The following ADGRL2 variants were observed in gnomAD, a reference collection of about 807,000 sequenced individuals.
ADGRL2 encodes adhesion G protein-coupled receptor L2.
ADGRL2 carries 44 observed loss-of-function variants against 157.4 expected under a neutral mutation model. That is an observed-to-expected ratio of 0.28 (90% CI 0.22 to 0.36). The LOEUF (loss-of-function observed/expected upper bound fraction) is 0.36, where lower values mean the gene tolerates loss of function less well. Ranked by LOEUF, ADGRL2 falls within the 10% of genes least tolerant of loss-of-function variation. The pLI, the probability that ADGRL2 is intolerant of heterozygous loss-of-function variation, is 1.00. For synonymous variants in ADGRL2, 585 were observed against 624.7 expected, an observed-to-expected ratio of 0.94 and a Z score of 0.95; for missense variants, 1,510 against 1,768.9, an observed-to-expected ratio of 0.85 and a Z score of 2.63.
chr1:81,381,002 T>C (rs1321907075), intron 1 of ADGRL2, among the ~76,000 whole-genome samples: 1 of 152,122 alleles, frequency 6.6e-6, no homozygotes, highest in Non-Finnish European at 1.5e-5. Flanking sequence ...ACATCTTATG[T>C]TATAGACCTC....
At chr1:81,395,473 T>G (rs929526963) in intron 1 of ADGRL2, among the ~76,000 whole-genome samples, 2 of 152,178 alleles carry the variant, frequency 1.3e-5, no homozygotes, top group Non-Finnish European at 2.9e-5. Flanking sequence ...ACTTTGTAAA[T>G]ATTTTCTCCC....
At chr1:81,470,218 T>G (rs1267542673) in intron 2 of ADGRL2, among the ~76,000 whole-genome samples, 6 of 152,218 alleles carry the variant, frequency 3.9e-5, no homozygotes, top group Non-Finnish European at 8.8e-5. Flanking sequence ...CTGTTCTGTT[T>G]TTCTTTTGTT....
chr1:81,788,796 A>G (rs1365615665), intron 2 of ADGRL2, among the ~76,000 whole-genome samples: 3 of 152,016 alleles, frequency 2.0e-5, no homozygotes, highest in Non-Finnish European at 4.4e-5. Flanking sequence ...GCTCACTGCA[A>G]CCTCTGCCTT....
chr1:81,373,056 A>G (rs969079035), intron 1 of ADGRL2, among the ~76,000 whole-genome samples: 3 of 152,144 alleles, frequency 2.0e-5, no homozygotes, highest in South Asian at 2.1e-4. Context: ...AACAAGTGCC[A>G]TGGTCATGCT....
intron 3 of ADGRL2, among the ~76,000 whole-genome samples, chr1:81,681,747 C>A (rs1395718461): frequency 6.6e-6 from 1 of 152,168 alleles, no homozygotes; most frequent in Non-Finnish European, 1.5e-5. Flanking sequence ...ACCGCAACAG[C>A]AGCAAAGCAG....
chr1:81,619,683 T>G (rs919311553), intron 3 of ADGRL2, among the ~76,000 whole-genome samples: 1 of 152,166 alleles, frequency 6.6e-6, no homozygotes, highest in Non-Finnish European at 1.5e-5. Flanking sequence ...ATTATTAATT[T>G]GTATTATTTC....
At chr1:81,879,959 G>A (rs1055815120) in intron 2 of ADGRL2, among the ~76,000 whole-genome samples, 22 of 152,166 alleles carry the variant, frequency 1.4e-4, no homozygotes, top group African/African-American at 5.3e-4. Flanking sequence ...TCCTGGAGGT[G>A]GAGGTTGCAG....
At chr1:81,860,111 C>G (rs1215630175) in intron 2 of ADGRL2, among the ~76,000 whole-genome samples, 1 of 152,010 alleles carries the variant, frequency 6.6e-6, no homozygotes, top group Admixed American at 6.6e-5. Flanking sequence ...GTAATCCCAG[C>G]TACTCAGGAG....
At chr1:81,966,324 C>A (rs899789818) in intron 12 of ADGRL2, 80 bp from the exon 13 acceptor site, 2 of 1,524,112 alleles carry the variant, frequency 1.3e-6, no homozygotes, top group South Asian at 1.2e-5. Context: ...CTTAGGACTT[C>A]ATCATTTTAT....
At chr1:81,728,740 T>G (rs1208918046) in intron 1 of ADGRL2, among the ~76,000 whole-genome samples, 1 of 152,166 alleles carries the variant, frequency 6.6e-6, no homozygotes, top group East Asian at 1.9e-4. Context: ...TCAATCTCTC[T>G]GTCTCTCTTT....
intron 2 of ADGRL2, among the ~76,000 whole-genome samples, chr1:81,870,388 C>T (rs1416492937): frequency 2.0e-5 from 3 of 151,944 alleles, no homozygotes; most frequent in Non-Finnish European, 4.4e-5. Flanking sequence ...TTTCTTGGAG[C>T]ATTTTGATAC....
At chr1:81,515,446 A>G (rs74360987) in intron 2 of ADGRL2, among the ~76,000 whole-genome samples, 5 of 129,688 alleles carry the variant, frequency 3.9e-5, no homozygotes, top group Admixed American at 1.6e-4. Context: ...GAACCTCAGA[A>G]AAAAAAAAAA....
intron 2 of ADGRL2, among the ~76,000 whole-genome samples, chr1:81,565,972 T>G (rs2080551322): frequency 6.6e-6 from 1 of 152,148 alleles, no homozygotes; most frequent in Non-Finnish European, 1.5e-5. Context: ...GGGACTGGAA[T>G]AGTTAAGATA....
chr1:81,345,426 G>A (rs57230979), intron 1 of ADGRL2, among the ~76,000 whole-genome samples: 1 of 152,104 alleles, frequency 6.6e-6, no homozygotes, highest in Non-Finnish European at 1.5e-5. Flanking sequence ...AATAACTTTT[G>A]ATAGCCATGC....
chr1:81,965,012 C>G (rs1224719246), intron 11 of ADGRL2, among the ~76,000 whole-genome samples: 2 of 152,068 alleles, frequency 1.3e-5, no homozygotes, highest in African/African-American at 4.8e-5. Flanking sequence ...TCCCAGCAGA[C>G]AGTAAACATT....
At chr1:81,706,014 T>G (rs1475226092) in intron 1 of ADGRL2, among the ~76,000 whole-genome samples, 1 of 151,904 alleles carries the variant, frequency 6.6e-6, no homozygotes, top group Non-Finnish European at 1.5e-5. Flanking sequence ...ATCGAGACCA[T>G]CCTGGCCAAC....
upstream of ADGRL2, among the ~76,000 whole-genome samples, chr1:81,798,961 G>A (rs1336596635): frequency 1.3e-5 from 2 of 152,082 alleles, no homozygotes; most frequent in Non-Finnish European, 2.9e-5. Flanking sequence ...GATGAACAAA[G>A]AAGGGCTAAA....
chr1:81,936,076 G>A (rs532395163), intron 3 of ADGRL2, among the ~76,000 whole-genome samples: 1 of 151,976 alleles, frequency 6.6e-6, no homozygotes, highest in South Asian at 2.1e-4. Flanking sequence ...ATAATGCTTA[G>A]ACATTACATA....
intron 2 of ADGRL2, among the ~76,000 whole-genome samples, chr1:81,511,359 C>G (rs1379010369): frequency 7.6e-6 from 1 of 131,616 alleles, no homozygotes; most frequent in Non-Finnish European, 1.6e-5. Context: ...CCAGGTAACA[C>G]AGCAAGACCT....
Sources: gnomAD v4.1 joint callset for allele counts (sites outside exome capture counted in the v4.1 genomes callset) on GRCh38, gnomAD v4.1.1 for gene constraint, MANE v1.5 for transcripts, NCBI Gene and HGNC (gene_info 2026-07-23, HGNC 2026-07-21) for gene names.